The following CYBC1 variants were observed in gnomAD, a reference collection of about 807,000 sequenced individuals.
The protein encoded by CYBC1 is essential for reactive oxygen species protein.
Under a neutral mutation model 21.7 loss-of-function variants are expected in CYBC1, and 22 were observed. That is an observed-to-expected ratio of 1.02 (90% CI 0.73 to 1.45). CYBC1 has a LOEUF of 1.45. Among genes scored for constraint, CYBC1 ranks in the 40% most tolerant of loss-of-function variants. CYBC1 has a pLI of 0.00. For missense variants in CYBC1, 237 were observed against 242.1 expected (o/e 0.98, Z 0.14); for synonymous variants, 112 against 98.7 (o/e 1.13, Z -0.80).
chr17:82,446,480 G>A (rs879173567), intron 4 of CYBC1, 143 bp downstream of exon 4: 16 of 734,586 alleles, frequency 2.2e-5, no homozygotes, highest in South Asian at 1.8e-4. Context: ...CCTGATGAAC[G>A]GAGACCTCCA....
chr17:82,444,237 C>T, intron 6 of CYBC1, 113 bp from the exon 7 acceptor site: 3 of 1,489,664 alleles, frequency 2.0e-6, no homozygotes, highest in Non-Finnish European at 9.0e-7. Flanking sequence ...CTGGAGCTCC[C>T]AAACTGGACC....
At chr17:82,447,279 G>A (rs928163637) in intron 3 of CYBC1, 8 of 443,934 alleles carry the variant, frequency 1.8e-5, no homozygotes, top group African/African-American at 1.6e-4. Flanking sequence ...CGTGAACCCG[G>A]GAGGCGGAGC....
At position 82,449,361 on chromosome 17, in the gene CYBC1, A is replaced by G. The variant is rs2054466840; in HGVS notation, c.-38-69T>C. On this transcript the variant is annotated intron_variant, in intron 1 of 6. Coordinates refer to ENST00000306645, the MANE Select transcript of CYBC1 (RefSeq NM_001033046.4). ...GGCAGGCGCCCACGCCATCAGGCCC[A>G]GTCTGGAGGCCAAGAGCAGGTCCCC... is the stretch of plus-strand genomic sequence containing the variant. The G allele has an allele frequency of 3.8e-6, 3 of 786,914 alleles. 1 individual carries two copies. Among genetic ancestry groups the G allele is most frequent in the Non-Finnish European group, 1.9e-6 (1 of 536,024 alleles). 48.7% of individuals were successfully genotyped at this position (786,914 alleles called of 1,614,324 possible).
intron 2 of CYBC1, chr17:82,448,793 A>C (rs537933817): frequency 4.6e-5 from 3 of 65,526 alleles, no homozygotes; most frequent in Admixed American, 3.4e-4. Flanking sequence ...ATGGGAACCC[A>C]CGATCACCCA....
Position 82,444,427 on chromosome 17 carries a change from T to C in CYBC1, c.443+20A>G. ...TGCTACGGCTGCAGCTCCGGCCAGA[T>C]CAAAGTCCCACAGCCTTACCTGCGG... On this transcript the variant is annotated intron_variant, in intron 6 of 6. Coordinates refer to ENST00000306645, the MANE Select transcript of CYBC1 (RefSeq NM_001033046.4). 1 of 1,592,054 alleles carries C rather than the reference T, an allele frequency of 6.3e-7. No individual in the cohort carries two copies. Among genetic ancestry groups the C allele is most frequent in the East Asian group, 2.3e-5 (1 of 44,442 alleles).
Position 82,443,018 on chromosome 17 carries a change from C to T in CYBC1, c.*986G>A, listed in dbSNP as rs1206234926. On this transcript the variant is annotated 3_prime_UTR_variant, in exon 7 of 7. Coordinates refer to ENST00000306645, the MANE Select transcript of CYBC1 (RefSeq NM_001033046.4). This position sits in a 1 kb window ranked among gnomAD's most constrained non-coding sequence, Gnocchi z 6.7. ...GCCCAGCCCCCTCCTGCCAGGTCTT[C>T]CCAGGTTCGAGAGAGGCTGGAACTC... is the stretch of plus-strand genomic sequence containing the variant. 2.5e-5 allele frequency: 5 copies of T among 198,876 alleles called. No homozygotes were observed. The East Asian group carries it at 6.3e-4, about 25-fold the overall frequency. 12.3% of individuals were successfully genotyped at this position (198,876 alleles called of 1,614,324 possible).
At chr17:82,446,907 G>A (rs902267787) in intron 3 of CYBC1, 1 of 592,092 alleles carries the variant, frequency 1.7e-6, no homozygotes, top group African/African-American at 1.9e-5. Flanking sequence ...CCACGTGAGA[G>A]AGGCAGGTGG....
In CYBC1 at chr17:82,447,589, A is replaced by G; in HGVS notation, c.118T>C (p.Tyr40His). 2 of 1,601,250 alleles carry G rather than the reference A, an allele frequency of 1.2e-6. No individual in the cohort carries two copies. The highest frequency in any genetic ancestry group is 1.7e-6 in the Non-Finnish European group (2 of 1,175,944). The change falls in exon 3 of 7, where the codon TAC (tyrosine) becomes CAC (histidine). Residue 40 changes from tyrosine to histidine, a missense_variant. By Grantham distance (83) the Tyr-to-His change is moderately conservative. Transcript: ENST00000306645. ...ILSIGLAAAY[Y>H]SGDSLGWKLF... Reference sequence around the variant, plus strand: ...GCGGGGGGTGCTTTACCTCCGCTGTAGTAGGCAGCAGCCAGGCCAATCGAC... The same window carrying G: ...GCGGGGGGTGCTTTACCTCCGCTGTGGTAGGCAGCAGCCAGGCCAATCGAC...
intron 2 of CYBC1, chr17:82,448,876 G>A: frequency 5.4e-6 from 2 of 369,118 alleles, no homozygotes; most frequent in Admixed American, 4.9e-5. Context: ...GGGAACCCAC[G>A]ATCACCCATC....
At chr17:82,446,562 T>C (rs2054298982) in intron 4 of CYBC1, 61 bp downstream of exon 4, 1 of 1,546,646 alleles carries the variant, frequency 6.5e-7, no homozygotes, top group South Asian at 1.1e-5. Context: ...TTCATTCCCA[T>C]TGCAAAAAAC....
intron 5 of CYBC1, 82 bp from the exon 6 acceptor site, chr17:82,444,673 G>A (rs1159146743): frequency 4.0e-5 from 59 of 1,481,262 alleles, no homozygotes; most frequent in Non-Finnish European, 3.9e-5. Context: ...TGGCATCATC[G>A]AAAGCGACAG....
In CYBC1 at chr17:82,443,698, C is replaced by G. The variant is rs868534589; in HGVS notation, c.*306G>C. 1.3e-6 allele frequency: 1 copy of G among 772,150 alleles called. No homozygotes were observed. Among genetic ancestry groups the G allele is most frequent in the South Asian group, 1.3e-5 (1 of 74,728 alleles). 47.8% of individuals were successfully genotyped at this position (772,150 alleles called of 1,614,324 possible). On this transcript the variant is annotated 3_prime_UTR_variant, in exon 7 of 7. Transcript: ENST00000306645. This position sits in a 1 kb window ranked among gnomAD's most constrained non-coding sequence, Gnocchi z 6.7. Reference sequence around the variant, plus strand: ...TCCTGGTCTGGCCTGCTGTTTCATGCAGTGTGCAAGCAGCAGCATGAGCAG... The same window carrying G: ...TCCTGGTCTGGCCTGCTGTTTCATGGAGTGTGCAAGCAGCAGCATGAGCAG...
At chr17:82,445,630 G>A in intron 5 of CYBC1, 1 of 461,268 alleles carries the variant, frequency 2.2e-6, no homozygotes, top group Middle Eastern at 6.0e-4. Flanking sequence ...CTCCCCAGGG[G>A]CCAAACCTCT....
rs1238143910 is a variant in CYBC1 at position 82,449,165 on chromosome 17, C to G, written c.85+5G>C. 19 of 1,564,494 alleles carry G rather than the reference C, an allele frequency of 1.2e-5. No homozygotes were observed. Among genetic ancestry groups the G allele is most frequent in the Non-Finnish European group, 1.6e-5 (19 of 1,157,398 alleles). On this transcript the variant is annotated splice_donor_5th_base_variant and intron_variant, in intron 2 of 6. Coordinates refer to ENST00000306645, the MANE Select transcript of CYBC1 (RefSeq NM_001033046.4). ...GGTTCTGGGGAGGGACGTGGAGAGC[C>G]TTACCAACCAGCAGGGACCAGGACC...
In CYBC1 at chr17:82,442,876, G is replaced by A. The variant is rs936488290; in HGVS notation, c.*1128C>T. ...CAGGCCAGGGCATCAGGCCAGGCGC[G>A]CTCGGTGCACACCGCACCTGGGAGG... On this transcript the variant is annotated 3_prime_UTR_variant, in exon 7 of 7. Transcript: ENST00000306645. The surrounding 1 kb of genome is among the most constrained non-coding windows in gnomAD (Gnocchi z 6.8). 14 of 380,574 alleles carry A rather than the reference G, an allele frequency of 3.7e-5. No homozygotes were observed. The highest frequency in any genetic ancestry group is 5.7e-5 in the Non-Finnish European group (12 of 209,182). The allele number at this position is 380,574 out of a possible 1,614,324, so 23.6% of individuals were successfully genotyped here. A position where few individuals can be genotyped will look rare whatever the true frequency, so the allele number is the denominator to read the frequency against.
chr17:82,443,829 G>A lies in CYBC1; in HGVS notation c.*175C>T. 1 of 623,136 alleles carries A rather than the reference G, an allele frequency of 1.6e-6. No homozygotes were observed. The highest frequency in any genetic ancestry group is 2.8e-6 in the Non-Finnish European group (1 of 356,332). 38.6% of individuals were successfully genotyped at this position (623,136 alleles called of 1,614,324 possible). On this transcript the variant is annotated 3_prime_UTR_variant, in exon 7 of 7. Coordinates refer to ENST00000306645, the MANE Select transcript of CYBC1 (RefSeq NM_001033046.4). This position sits in a 1 kb window ranked among gnomAD's most constrained non-coding sequence, Gnocchi z 6.7. ...CGGGAATGTGCCACGGGTCCTGTGG[G>A]CGGTGCACGGGCTCAGGCACACCGG... is the stretch of plus-strand genomic sequence containing the variant.
intron 3 of CYBC1, 195 bp downstream of exon 3, chr17:82,447,385 T>C (rs1380307334): frequency 6.6e-6 from 4 of 609,120 alleles, no homozygotes; most frequent in South Asian, 5.7e-5. Context: ...AAATGTGGGC[T>C]GAGCGCTGGG....
intron 5 of CYBC1, chr17:82,445,390 C>CA (rs1363961953): frequency 1.2e-5 from 2 of 166,936 alleles, no homozygotes; most frequent in Admixed American, 1.1e-4. Context: ...CCAAGGCCCG[C>CA]AAGAAGCCAG....
At position 82,443,469 on chromosome 17, in the gene CYBC1, C is replaced by A; in HGVS notation, c.*535G>T. 1.5e-6 allele frequency: 1 copy of A among 675,898 alleles called. No homozygotes were observed. Among genetic ancestry groups the A allele is most frequent in the South Asian group, 1.5e-5 (1 of 65,406 alleles). 41.9% of individuals were successfully genotyped at this position (675,898 alleles called of 1,614,324 possible). ...TCACCCCTCACTGCCCTTGGGGAAG[C>A]ACCTGACCGCTGGGGATGTCCACCA... On this transcript the variant is annotated 3_prime_UTR_variant, in exon 7 of 7. Coordinates refer to ENST00000306645, the MANE Select transcript of CYBC1 (RefSeq NM_001033046.4). The surrounding 1 kb of genome is among the most constrained non-coding windows in gnomAD (Gnocchi z 6.7).
Sources: gnomAD v4.1 joint callset for allele counts on GRCh38, gnomAD v4.1.1 for gene constraint, Gnocchi (gnomAD v3.1) non-coding constraint, MANE v1.5 for transcripts, NCBI Gene and HGNC (gene_info 2026-07-23, HGNC 2026-07-21) for gene names.